Variants in BLVRA observed in about 807,000 individuals in gnomAD.
The protein encoded by BLVRA is BVR A.
BLVRA carries 22 observed loss-of-function variants against 32.8 expected under a neutral mutation model. That is an observed-to-expected ratio of 0.67 (90% CI 0.48 to 0.96). The LOEUF (loss-of-function observed/expected upper bound fraction) is 0.96, where lower values mean the gene tolerates loss of function less well. BLVRA is among the 40% of genes least tolerant of loss of function. The pLI is 0.00. For synonymous variants in BLVRA, 119 were observed against 141.3 expected (o/e 0.84, Z 1.12); for missense variants, 323 against 358.1 (o/e 0.90, Z 0.79).
chr7:43,782,229 G>A (rs1198499438), intron 2 of BLVRA, among the ~76,000 whole-genome samples: 5 of 152,284 alleles, frequency 3.3e-5, no homozygotes, highest in African/African-American at 1.2e-4. Context: ...TCCAGAGCTT[G>A]GGAGGGTCAG....
chr7:43,767,364 T>C (rs2095749383), intron 1 of BLVRA: 1 of 1,599,590 alleles, frequency 6.3e-7, no homozygotes, highest in African/African-American at 1.3e-5. Context: ...CATTAGCATC[T>C]ACACTGAAGA....
intron 2 of BLVRA, among the ~76,000 whole-genome samples, chr7:43,785,464 C>G (rs1205160847): frequency 3.3e-5 from 5 of 152,252 alleles, no homozygotes; most frequent in South Asian, 2.1e-4. Flanking sequence ...GAAGAGAAGC[C>G]AGGAACTAGG....
intron 3 of BLVRA, among the ~76,000 whole-genome samples, chr7:43,790,450 C>G (rs1387433101): frequency 1.3e-5 from 2 of 152,054 alleles, no homozygotes; most frequent in African/African-American, 4.8e-5. Context: ...CACAAACACA[C>G]ACACAGACAC....
intron 4 of BLVRA, 90 bp downstream of exon 4, chr7:43,791,458 T>A (rs1412953774): frequency 6.9e-7 from 1 of 1,448,732 alleles, no homozygotes; most frequent in Non-Finnish European, 9.6e-7. Context: ...TGCAAAGGAG[T>A]CAGAAGAGCC....
At position 43,790,562 on chromosome 7, in the gene BLVRA, C is replaced by T. The variant is rs1236882897; in HGVS notation, c.135-687C>T. Among the ~76,000 whole-genome samples the T allele has an allele frequency of 2.6e-5, 4 of 152,106 alleles. No homozygotes were observed. In the East Asian group the frequency reaches 5.8e-4, roughly 22 times the overall value. ...CCAGTTTGCACCCTAAATGTGTTAACGTATTGGATTTGGATTAGGTTTGGT... is the reference window on the plus strand; with the variant it reads ...CCAGTTTGCACCCTAAATGTGTTAATGTATTGGATTTGGATTAGGTTTGGT... On this transcript the variant is annotated intron_variant, in intron 3 of 7. Coordinates refer to ENST00000265523, the MANE Select transcript of BLVRA (RefSeq NM_000712.4).
At chr7:43,771,496 G>A (rs2132551597) in intron 2 of BLVRA, among the ~76,000 whole-genome samples, 1 of 152,334 alleles carries the variant, frequency 6.6e-6, no homozygotes, top group Middle Eastern at 3.4e-3. Flanking sequence ...CACTTTCTCT[G>A]CATTGTCTCC....
intron 2 of BLVRA, among the ~76,000 whole-genome samples, chr7:43,778,473 G>A (rs1456675099): frequency 1.3e-5 from 2 of 152,192 alleles, no homozygotes; most frequent in African/African-American, 4.8e-5. Context: ...TAGAACAGCG[G>A]ATTTTCGTGA....
At chr7:43,789,415 T>C (rs2132576920) in intron 3 of BLVRA, among the ~76,000 whole-genome samples, 1 of 152,318 alleles carries the variant, frequency 6.6e-6, no homozygotes, top group East Asian at 1.9e-4. Context: ...CCAGAAGTGC[T>C]AGAATCTGCC....
At chr7:43,759,356 G>A (rs1156928131) in intron 1 of BLVRA, among the ~76,000 whole-genome samples, 1 of 152,210 alleles carries the variant, frequency 6.6e-6, no homozygotes, top group African/African-American at 2.4e-5. Flanking sequence ...TAATAATGAG[G>A]GTATTTATAA....
At chr7:43,780,084 C>G (rs2095767090) in intron 2 of BLVRA, among the ~76,000 whole-genome samples, 1 of 152,054 alleles carries the variant, frequency 6.6e-6, no homozygotes, top group African/African-American at 2.4e-5. Context: ...GTTGGCCAGG[C>G]TGGGCTTGAA....
chr7:43,768,894 G>A (rs2095751315), intron 1 of BLVRA, among the ~76,000 whole-genome samples: 1 of 151,814 alleles, frequency 6.6e-6, no homozygotes, highest in East Asian at 1.9e-4. Context: ...CCCACCACCT[G>A]CGGGTCAGCT....
rs1033125981 is a variant in BLVRA, at chr7:43,787,113, AG to A, written c.13-789del. Reference sequence around the variant, plus strand: ...AATTTTTGTATTTTTAGTAGAGACGAGGTTTCTCCATGTTGGCCAGGCTGGT... The same window carrying A: ...AATTTTTGTATTTTTAGTAGAGACGAGTTTCTCCATGTTGGCCAGGCTGGT... On this transcript the variant is annotated intron_variant, in intron 2 of 7. Transcript: ENST00000265523. This position sits in a 1 kb window ranked among gnomAD's most constrained non-coding sequence, Gnocchi z 4.5. 6.6e-6 allele frequency among the ~76,000 whole-genome samples: 1 copy of A among 151,928 alleles called. No homozygotes were observed. The highest frequency in any genetic ancestry group is 2.4e-5 in the African/African-American group (1 of 41,342).
chr7:43,784,287 C>T (rs2095774075), intron 2 of BLVRA, among the ~76,000 whole-genome samples: 1 of 152,190 alleles, frequency 6.6e-6, no homozygotes, highest in East Asian at 1.9e-4. Context: ...TCTGGAAGTC[C>T]ATTGCTCCCT....
chr7:43,799,493 T>C (rs543445980), intron 5 of BLVRA, among the ~76,000 whole-genome samples: 2 of 152,208 alleles, frequency 1.3e-5, no homozygotes, highest in African/African-American at 4.8e-5. Context: ...TTTTATTTTA[T>C]TTTTATTTTT....
At position 43,786,722 on chromosome 7, in the gene BLVRA, A is replaced by G. The variant is rs1276845096; in HGVS notation, c.13-1182A>G. 5.3e-5 allele frequency among the ~76,000 whole-genome samples: 8 copies of G among 152,238 alleles called. No individual in the cohort carries two copies. The South Asian group carries it at 8.3e-4, about 16-fold the overall frequency. On this transcript the variant is annotated intron_variant, in intron 2 of 7. Coordinates refer to ENST00000265523, the MANE Select transcript of BLVRA (RefSeq NM_000712.4). ...GGATTAAATGAGAAATCAATAATAG[A>G]AAAACATTTGGCAAATCCCCAAACA...
At chr7:43,763,588 C>T (rs746033264) in intron 1 of BLVRA, among the ~76,000 whole-genome samples, 2 of 152,168 alleles carry the variant, frequency 1.3e-5, no homozygotes, top group Non-Finnish European at 2.9e-5. Flanking sequence ...GCACATACTG[C>T]GCACCCGTGG....
At chr7:43,791,538 G>A (rs949654613) in intron 4 of BLVRA, 170 bp downstream of exon 4, 2 of 684,016 alleles carry the variant, frequency 2.9e-6, no homozygotes, top group South Asian at 1.8e-5. Flanking sequence ...TCTTATTGCT[G>A]GTTATAAATA....
At chr7:43,803,413 G>A (rs1252789023) in intron 6 of BLVRA, among the ~76,000 whole-genome samples, 1 of 152,148 alleles carries the variant, frequency 6.6e-6, no homozygotes, top group African/African-American at 2.4e-5. Context: ...ATTGACTGCT[G>A]TTTCCAGTAG....
At chr7:43,799,743 G>A (rs1253485415) in intron 5 of BLVRA, among the ~76,000 whole-genome samples, 1 of 151,974 alleles carries the variant, frequency 6.6e-6, no homozygotes, top group Non-Finnish European at 1.5e-5. Context: ...CAAAGTGCTG[G>A]GATTATAGGC....
Sources: gnomAD v4.1 joint callset for allele counts (sites outside exome capture counted in the v4.1 genomes callset) on GRCh38, gnomAD v4.1.1 for gene constraint, Gnocchi (gnomAD v3.1) non-coding constraint, MANE v1.5 for transcripts, NCBI Gene and HGNC (gene_info 2026-07-23, HGNC 2026-07-21) for gene names.